FAAH2: variants seen among roughly 807,000 people sequenced by gnomAD.
FAAH2 encodes fatty-acid amide hydrolase 2.
In FAAH2, 60 loss-of-function variants were observed where a neutral mutation model predicts 36.9. The observed-to-expected ratio is 1.63, with a 90% CI of 1.32 to 2.02. The LOEUF (loss-of-function observed/expected upper bound fraction) is 2.02. Ranked by LOEUF, FAAH2 falls within the 30% of genes most tolerant of loss-of-function variation. The pLI, the probability that FAAH2 is intolerant of heterozygous loss-of-function variation, is 0.00. For synonymous variants in FAAH2, 214 were observed against 143.8 expected (o/e 1.49, Z -3.49); for missense variants, 689 against 397.5 (o/e 1.73, Z -6.23).
intron 4 of FAAH2, among the ~76,000 whole-genome samples, chrX:57,340,418 C>T (rs1239861999): frequency 1.8e-5 from 2 of 111,542 alleles, no homozygotes; most frequent in Non-Finnish European, 3.8e-5. Flanking sequence ...CAAGTTGACG[C>T]TCAGTATTAA....
At chrX:57,346,074 G>T (rs1046133127) in intron 5 of FAAH2, among the ~76,000 whole-genome samples, 1 of 111,074 alleles carries the variant, frequency 9.0e-6, no homozygotes, top group African/African-American at 3.3e-5. Context: ...CATTCCTTGT[G>T]CAGATGAGAG....
chrX:57,270,650 A>G, the FAAH2 span, among the ~76,000 whole-genome samples: 2 of 111,561 alleles, frequency 1.8e-5, no homozygotes, highest in Non-Finnish European at 3.8e-5. Flanking sequence ...TCTCAATGGG[A>G]CTGGTTGCAC....
chrX:57,346,274 A>C (rs770245573), intron 5 of FAAH2, among the ~76,000 whole-genome samples: 3 of 111,690 alleles, frequency 2.7e-5, no homozygotes, highest in Non-Finnish European at 5.7e-5. Flanking sequence ...TAGGTCAAAA[A>C]GAACTTGTTT....
At chrX:57,482,238 A>G (rs941328504) in intron 10 of FAAH2, among the ~76,000 whole-genome samples, 3 of 111,425 alleles carry the variant, frequency 2.7e-5, no homozygotes, top group Admixed American at 9.5e-5. Flanking sequence ...CCTTTCCAGG[A>G]GAGTGAACAG....
intron 10 of FAAH2, among the ~76,000 whole-genome samples, chrX:57,470,464 A>T (rs1569367300): frequency 8.9e-6 from 1 of 111,869 alleles, no homozygotes; most frequent in Non-Finnish European, 1.9e-5. Context: ...AGAATACTAT[A>T]AGCACCTCTA....
chrX:57,293,070 A>G (rs1437857722), intron 2 of FAAH2, among the ~76,000 whole-genome samples: 1 of 111,332 alleles, frequency 9.0e-6, no homozygotes. Flanking sequence ...AAAAACTTGG[A>G]TTATTTTCTT....
intron 7 of FAAH2, among the ~76,000 whole-genome samples, chrX:57,405,274 G>A (rs2095173763): frequency 9.0e-6 from 1 of 111,484 alleles, no homozygotes; most frequent in Non-Finnish European, 1.9e-5. Flanking sequence ...CAAGCCTCGT[G>A]TTCTCTGACC....
the FAAH2 span, among the ~76,000 whole-genome samples, chrX:57,148,107 T>G: frequency 1.9e-4 from 21 of 111,237 alleles, no homozygotes; most frequent in African/African-American, 5.6e-4. Context: ...CTCTGTTCTG[T>G]TTCATTGGTC....
the FAAH2 span, among the ~76,000 whole-genome samples, chrX:57,265,820 A>G: frequency 8.9e-6 from 1 of 111,914 alleles, no homozygotes; most frequent in African/African-American, 3.3e-5. Flanking sequence ...ACACCAGCAC[A>G]GCACACTGCC....
At chrX:57,402,206 T>A (rs747380723) in intron 7 of FAAH2, among the ~76,000 whole-genome samples, 32 of 112,250 alleles carry the variant, frequency 2.9e-4, no homozygotes, top group African/African-American at 1.0e-3. Context: ...CAGAGGACCT[T>A]CGTCCCCTGG....
chrX:57,420,626 A>G (rs990772652), intron 7 of FAAH2, among the ~76,000 whole-genome samples: 10 of 109,693 alleles, frequency 9.1e-5, no homozygotes, highest in South Asian at 4.0e-4. Context: ...TTGGGCTGAG[A>G]CAATGTGGTT....
chrX:57,138,280 A>G, the FAAH2 span, among the ~76,000 whole-genome samples: 2 of 111,693 alleles, frequency 1.8e-5, no homozygotes, highest in Admixed American at 9.5e-5. Context: ...TTAGATTGCT[A>G]TATCAAGTAA....
chrX:57,404,301 T>C (rs1023220550), intron 7 of FAAH2, among the ~76,000 whole-genome samples: 5 of 112,511 alleles, frequency 4.4e-5, no homozygotes, highest in Admixed American at 1.9e-4. Context: ...ACTACTTCTA[T>C]CTTTCTCTTT....
At chrX:57,318,803 A>T (rs1372874151) in intron 3 of FAAH2, among the ~76,000 whole-genome samples, 1 of 112,132 alleles carries the variant, frequency 8.9e-6, no homozygotes, top group African/African-American at 3.2e-5. Flanking sequence ...CCAGCAGTAC[A>T]TCAGAAAGTT....
chrX:57,349,198 C>CATATACAT (rs1346581574), intron 5 of FAAH2, among the ~76,000 whole-genome samples: 19 of 87,418 alleles, frequency 2.2e-4, no homozygotes, highest in African/African-American at 7.4e-4. Flanking sequence ...TGTATATATA[C>CATATACAT]ATATACATAT....
chrX:57,330,534 C>T (rs917317676), intron 3 of FAAH2, among the ~76,000 whole-genome samples: 2 of 111,181 alleles, frequency 1.8e-5, no homozygotes, highest in African/African-American at 6.5e-5. Flanking sequence ...GCCCTGCCTC[C>T]ATTTGCCTTG....
At chrX:57,405,556 C>A (rs999723616) in intron 7 of FAAH2, among the ~76,000 whole-genome samples, 9 of 108,133 alleles carry the variant, frequency 8.3e-5, no homozygotes, top group African/African-American at 3.1e-4. Context: ...GGCAAGTCTG[C>A]GATGGCGGCA....
chrX:57,410,286 G>A (rs2055667325), intron 7 of FAAH2, among the ~76,000 whole-genome samples: 1 of 111,337 alleles, frequency 9.0e-6, no homozygotes, highest in Non-Finnish European at 1.9e-5. Flanking sequence ...CTAACAAATT[G>A]TCTGTCTTGG....
chrX:57,345,954 G>T (rs2053810820), intron 5 of FAAH2, among the ~76,000 whole-genome samples: 1 of 110,886 alleles, frequency 9.0e-6, no homozygotes, highest in African/African-American at 3.3e-5. Flanking sequence ...ATTTATATTG[G>T]TTTCTATACT....
Sources: allele counts gnomAD v4.1 joint callset (sites outside exome capture counted in the v4.1 genomes callset), GRCh38; gene constraint gnomAD v4.1.1; transcripts MANE v1.5; gene names NCBI Gene and HGNC (gene_info 2026-07-23, HGNC 2026-07-21).